AK3: variants seen among roughly 807,000 people sequenced by gnomAD.
AK3 encodes the protein adenylate kinase 3.
Under a neutral mutation model 23.7 loss-of-function variants are expected in AK3, and 27 were observed. The observed-to-expected ratio is 1.14, with a 90% CI of 0.84 to 1.57. The LOEUF (loss-of-function observed/expected upper bound fraction) is 1.57, where lower values mean the gene tolerates loss of function less well. Ranked by LOEUF, AK3 falls within the 40% of genes most tolerant of loss-of-function variation. AK3 has a pLI of 0.00. For synonymous variants in AK3, 159 were observed against 116.0 expected (o/e 1.37, Z -2.38); for missense variants, 406 against 285.6 (o/e 1.42, Z -3.04).
In AK3 at chr9:4,718,502, C is replaced by G; in HGVS notation, c.480G>C (p.Gln160His). The change falls in exon 4 of 5, where the codon CAG (glutamine) becomes CAC (histidine). Residue 160 changes from glutamine to histidine, a missense_variant. By Grantham distance (24) the Gln-to-His change is conservative. Coordinates refer to ENST00000381809, the MANE Select transcript of AK3 (RefSeq NM_016282.4). ...IDDLTGEPLIQREDDKPETVI... is the reference protein window; with the variant it reads ...IDDLTGEPLIHREDDKPETVI... ...CCGTCTCTGGTTTATCATCCTCACG[C>G]TGAATGAGAGGCTCCCCAGTCAGGT... The G allele has an allele frequency of 1.9e-6, 3 of 1,613,820 alleles. No homozygotes were observed. The highest frequency in any genetic ancestry group is 2.2e-5 in the East Asian group (1 of 44,884).
chr9:4,717,422 A>C (rs571930916), intron 4 of AK3, among the ~76,000 whole-genome samples: 1 of 152,328 alleles, frequency 6.6e-6, no homozygotes, highest in Non-Finnish European at 1.5e-5. Context: ...GCTTTTAAAG[A>C]CTGCTAGCCA....
chr9:4,739,800 A>G (rs570145295), intron 1 of AK3, among the ~76,000 whole-genome samples: 68 of 152,158 alleles, frequency 4.5e-4, no homozygotes, highest in African/African-American at 1.4e-3. Flanking sequence ...GCGTGGTGGC[A>G]TGCGCCTGTA....
chr9:4,717,266 G>A (rs1250128201), intron 4 of AK3, among the ~76,000 whole-genome samples: 1 of 152,148 alleles, frequency 6.6e-6, no homozygotes, highest in African/African-American at 2.4e-5. Flanking sequence ...TAAATGAAAG[G>A]GGAGGCAGTC....
chr9:4,714,234 A>T (rs445285), intron 4 of AK3, among the ~76,000 whole-genome samples: 22,512 of 90,724 alleles, frequency 0.25, 6,236 homozygotes, highest in African/African-American at 0.45. Flanking sequence ...CTCCACACAT[A>T]CACACTGGTG....
At chr9:4,733,349 T>C (rs982559650) in intron 1 of AK3, among the ~76,000 whole-genome samples, 1 of 151,894 alleles carries the variant, frequency 6.6e-6, no homozygotes, top group Non-Finnish European at 1.5e-5. Flanking sequence ...AAAACCTTTC[T>C]CAAATAATAA....
chr9:4,735,930 C>A (rs1037300929), intron 1 of AK3, among the ~76,000 whole-genome samples: 2 of 150,342 alleles, frequency 1.3e-5, no homozygotes, highest in Admixed American at 1.3e-4. Context: ...GCCCGGCTAA[C>A]ATGGTGAAAC....
At chr9:4,715,391 CTTTT>C (rs35400602) in intron 4 of AK3, among the ~76,000 whole-genome samples, 1 of 127,122 alleles carries the variant, frequency 7.9e-6, no homozygotes, top group African/African-American at 3.1e-5. Flanking sequence ...TCCCTTACTA[CTTTT>C]TTTTTTTTTT....
rs554337554 is a variant in AK3, at chr9:4,710,769, G to C, written c.*2207C>G. On this transcript the variant is annotated 3_prime_UTR_variant, in exon 5 of 5. Coordinates refer to ENST00000381809, the MANE Select transcript of AK3 (RefSeq NM_016282.4). ...TCTACAAAAAAATAAAATTAGCCAG[G>C]CATGGTGGTACATACCTGTAGTTTC... 10 of 151,982 alleles carry C rather than the reference G, an allele frequency of 6.6e-5. No homozygotes were observed. Among genetic ancestry groups the C allele is most frequent in the African/African-American group, 2.4e-4 (10 of 41,338 alleles). 9.4% of individuals were successfully genotyped at this position (151,982 alleles called of 1,614,324 possible). A position where few individuals can be genotyped will look rare whatever the true frequency, so the allele number is the denominator to read the frequency against.
chr9:4,741,493 G>C (rs1842435284), upstream of AK3, among the ~76,000 whole-genome samples: 1 of 150,112 alleles, frequency 6.7e-6, no homozygotes, highest in Admixed American at 6.6e-5. Flanking sequence ...ACTCGGCTCA[G>C]ATCTACCTCC....
intron 1 of AK3, among the ~76,000 whole-genome samples, chr9:4,740,078 G>A (rs1756864): frequency 0.61 from 81,131 of 132,688 alleles, 24,390 homozygotes; most frequent in Middle Eastern, 0.68. Flanking sequence ...AAAAAAAAAA[G>A]AAGGAAAACA....
intron 4 of AK3, among the ~76,000 whole-genome samples, chr9:4,714,922 G>A (rs143562498): frequency 1.3e-3 from 205 of 152,240 alleles, no homozygotes; most frequent in African/African-American, 4.8e-3. Flanking sequence ...AGCTGAGAAT[G>A]AAAAGACTGA....
chr9:4,719,425 A>G, intron 2 of AK3, 118 bp from the exon 3 acceptor site: 1 of 949,884 alleles, frequency 1.1e-6, no homozygotes, highest in Non-Finnish European at 1.5e-6. Flanking sequence ...AATCTGAACA[A>G]AAGGAATGAG....
chr9:4,732,201 G>A (rs1426294750), intron 1 of AK3, among the ~76,000 whole-genome samples: 6 of 152,060 alleles, frequency 3.9e-5, no homozygotes. Context: ...CTCCCATCTT[G>A]GCTTCCCAAA....
intron 1 of AK3, among the ~76,000 whole-genome samples, chr9:4,728,866 T>TATATATATATATATATATATATACACAC (rs1395790351): frequency 1.1e-5 from 1 of 87,894 alleles, no homozygotes; most frequent in African/African-American, 3.8e-5. Context: ...TATATATATA[T>TATATATATATATATATATATATACACAC]ACACACACAC....
Position 4,722,513 on chromosome 9 carries a change from C to T in AK3, c.264G>A (p.Leu88=), listed in dbSNP as rs1408755635. ...ELKNLTQYSW[L]LDGFPRTLPQ... ...TCATGAGACTCCACTTACCATCCAA[C>T]AGCCAGCTATACTGGGTGAGATTTT... Residue 88 remains leucine (L), a synonymous_variant, in exon 2 of 5, where the codon CTG becomes CTA. Coordinates refer to ENST00000381809, the MANE Select transcript of AK3 (RefSeq NM_016282.4). 2 of 1,614,060 alleles carry T rather than the reference C, an allele frequency of 1.2e-6. No homozygotes were observed. Among genetic ancestry groups the T allele is most frequent in the African/African-American group, 1.3e-5 (1 of 74,932 alleles).
intron 1 of AK3, among the ~76,000 whole-genome samples, chr9:4,735,479 T>TATATATATATATATA (rs758311463): frequency 5.8e-5 from 4 of 69,094 alleles, no homozygotes; most frequent in African/African-American, 2.5e-4. Flanking sequence ...TATATATATA[T>TATATATATATATATA]TTTTTTTTTT....
At chr9:4,723,419 A>G (rs1841950896) in intron 1 of AK3, among the ~76,000 whole-genome samples, 1 of 152,224 alleles carries the variant, frequency 6.6e-6, no homozygotes, top group South Asian at 2.1e-4. Context: ...TCGTGACACA[A>G]TTCAGTTTTT....
intron 4 of AK3, 83 bp from the exon 5 acceptor site, chr9:4,713,179 T>C (rs768049334): frequency 4.6e-5 from 70 of 1,535,884 alleles, no homozygotes; most frequent in Non-Finnish European, 6.1e-5. Context: ...CTGTAAATAA[T>C]GATATTGTAG....
In AK3 at chr9:4,719,150, G is replaced by C. The variant is rs750117797; in HGVS notation, c.429C>G (p.Asn143Lys). 1.1e-5 allele frequency: 18 copies of C among 1,611,762 alleles called. No individual in the cohort carries two copies. The East Asian group carries it at 4.0e-4, about 36-fold the overall frequency. The change falls in exon 3 of 5, where the codon AAC becomes AAG. Residue 143 changes from asparagine (N) to lysine (K), a missense_variant. By Grantham distance (94) the Asn-to-Lys change is moderately conservative. Transcript: ENST00000381809. The part of the protein sequence containing the change: ...ASGRVYNIEF[N>K]PPKTVGIDDL... ...AACTACTCACCACAGTTTTGGGAGGGTTGAATTCAATGTTATAGACTCGGC... is the reference window on the plus strand; with the variant it reads ...AACTACTCACCACAGTTTTGGGAGGCTTGAATTCAATGTTATAGACTCGGC...
Sources: allele counts gnomAD v4.1 joint callset (sites outside exome capture counted in the v4.1 genomes callset), GRCh38; gene constraint gnomAD v4.1.1; transcripts MANE v1.5; gene names NCBI Gene and HGNC (gene_info 2026-07-23, HGNC 2026-07-21).